The following EXOC6B variants were observed in gnomAD, a reference collection of about 807,000 sequenced individuals.
EXOC6B encodes the protein SEC15 homolog B.
A neutral mutation model predicts 113.5 loss-of-function variants in EXOC6B; 54 were observed. That is an observed-to-expected ratio of 0.48 (90% CI 0.38 to 0.60). EXOC6B has a LOEUF of 0.60. Ranked by LOEUF, EXOC6B falls within the 20% of genes least tolerant of loss-of-function variation. EXOC6B has a pLI of 0.00. For missense variants in EXOC6B, 797 were observed against 977.5 expected, an observed-to-expected ratio of 0.82 and a Z score of 2.46; for synonymous variants, 357 against 339.0, an observed-to-expected ratio of 1.05 and a Z score of -0.58.
intron 18 of EXOC6B, among the ~76,000 whole-genome samples, chr2:72,386,638 T>C (rs1241556430): frequency 6.6e-6 from 1 of 152,210 alleles, no homozygotes; most frequent in Non-Finnish European, 1.5e-5. Context: ...GTGCAAGCCA[T>C]AAGCCTTGGC....
chr2:72,758,172 A>T (rs1314142005), intron 1 of EXOC6B, among the ~76,000 whole-genome samples: 1 of 150,292 alleles, frequency 6.7e-6, no homozygotes, highest in Non-Finnish European at 1.5e-5. Context: ...GTCTCAAAAA[A>T]AAAAAAAAAA....
intron 19 of EXOC6B, among the ~76,000 whole-genome samples, chr2:72,341,732 T>C (rs888010290): frequency 6.6e-6 from 1 of 152,048 alleles, no homozygotes; most frequent in African/African-American, 2.4e-5. Context: ...AACAACACTA[T>C]AAACCAAATG....
intron 1 of EXOC6B, among the ~76,000 whole-genome samples, chr2:72,774,636 T>G (rs11898326): frequency 0.015 from 2,326 of 152,328 alleles, 82 homozygotes; most frequent in African/African-American, 0.054. Context: ...CACAGGAGTT[T>G]TATTCATAAT....
intron 6 of EXOC6B, among the ~76,000 whole-genome samples, chr2:72,671,063 G>GA (rs911169049): frequency 6.6e-6 from 1 of 151,694 alleles, no homozygotes; most frequent in African/African-American, 2.4e-5. Context: ...GAAACTACCA[G>GA]AAAAAAAACA....
chr2:72,336,328 T>A (rs949111058), intron 19 of EXOC6B, among the ~76,000 whole-genome samples: 5 of 152,210 alleles, frequency 3.3e-5, no homozygotes, highest in African/African-American at 9.6e-5. Flanking sequence ...AAATGGTAAT[T>A]TGTTGAACAA....
intron 18 of EXOC6B, among the ~76,000 whole-genome samples, chr2:72,417,293 G>T (rs1694584175): frequency 6.6e-6 from 1 of 152,126 alleles, no homozygotes; most frequent in Non-Finnish European, 1.5e-5. Context: ...AGGTTCAAGA[G>T]ATTCTCTTGC....
At chr2:72,579,158 G>A (rs1267173105) in intron 6 of EXOC6B, among the ~76,000 whole-genome samples, 1 of 152,200 alleles carries the variant, frequency 6.6e-6, no homozygotes, top group Non-Finnish European at 1.5e-5. Context: ...TGACTTAAAT[G>A]TGGTACATGG....
intron 19 of EXOC6B, among the ~76,000 whole-genome samples, chr2:72,348,839 TGA>T (rs1420568894): frequency 6.6e-6 from 1 of 152,138 alleles, no homozygotes; most frequent in African/African-American, 2.4e-5. Context: ...CAAAAAAAGC[TGA>T]GAGTCAGAAA....
intron 18 of EXOC6B, among the ~76,000 whole-genome samples, chr2:72,426,821 T>G (rs952092609): frequency 2.7e-4 from 41 of 152,258 alleles, no homozygotes; most frequent in Non-Finnish European, 7.3e-5. Flanking sequence ...ATGATGGCAG[T>G]GGCAGGCCAT....
At chr2:72,273,893 C>G (rs1684659633) in intron 20 of EXOC6B, among the ~76,000 whole-genome samples, 1 of 152,026 alleles carries the variant, frequency 6.6e-6, no homozygotes, top group Admixed American at 6.6e-5. Flanking sequence ...AGTGGGAACA[C>G]TGAGAAAAAT....
chr2:72,728,473 T>TATTAGGG (rs1460828578), intron 5 of EXOC6B, among the ~76,000 whole-genome samples: 1 of 152,206 alleles, frequency 6.6e-6, no homozygotes, highest in African/African-American at 2.4e-5. Flanking sequence ...CAAATGTCCC[T>TATTAGGG]AATAGTATCA....
At chr2:72,756,938 G>T (rs949267622) in intron 1 of EXOC6B, among the ~76,000 whole-genome samples, 3 of 152,086 alleles carry the variant, frequency 2.0e-5, no homozygotes. Flanking sequence ...AGATAAATAT[G>T]TTCAAATATT....
chr2:72,419,980 T>G (rs939176819), intron 18 of EXOC6B, among the ~76,000 whole-genome samples: 4 of 152,168 alleles, frequency 2.6e-5, no homozygotes, highest in African/African-American at 9.7e-5. Context: ...GTGTTCGCTT[T>G]TCTTCAATCT....
chr2:72,616,869 G>A (rs542220609), intron 6 of EXOC6B, among the ~76,000 whole-genome samples: 59 of 152,204 alleles, frequency 3.9e-4, no homozygotes, highest in Non-Finnish European at 7.1e-4. Flanking sequence ...ACTCATTTCA[G>A]CATTAACTCA....
At chr2:72,540,427 G>T (rs1160995871) in intron 8 of EXOC6B, among the ~76,000 whole-genome samples, 1 of 151,970 alleles carries the variant, frequency 6.6e-6, no homozygotes, top group Non-Finnish European at 1.5e-5. Flanking sequence ...TGTATCATTT[G>T]CTCCATACAA....
chr2:72,263,909 A>C (rs1040430796), intron 20 of EXOC6B, among the ~76,000 whole-genome samples: 4 of 152,130 alleles, frequency 2.6e-5, no homozygotes, highest in Admixed American at 6.5e-5. Flanking sequence ...AAGCATTCTG[A>C]CAGCCAGCCA....
intron 19 of EXOC6B, among the ~76,000 whole-genome samples, chr2:72,373,023 A>G (rs986851745): frequency 1.3e-5 from 2 of 152,110 alleles, no homozygotes; most frequent in Admixed American, 6.6e-5. Flanking sequence ...GGACTACAAG[A>G]AAACATTGAG....
chr2:72,209,586 C>T lies in EXOC6B; in HGVS notation c.2197-25399G>A, dbSNP rs547373470. 5.9e-5 allele frequency among the ~76,000 whole-genome samples: 9 copies of T among 152,272 alleles called. No individual in the cohort carries two copies. The East Asian group carries it at 1.4e-3, about 23-fold the overall frequency. On this transcript the variant is annotated intron_variant, in intron 20 of 21. Transcript: ENST00000272427. ...CTAAAATTCTTTATCTTAGCACCCT[C>T]CTCTGCTAATAGGAAGTGTGAGCAT... is the stretch of plus-strand genomic sequence containing the variant.
At chr2:72,613,114 C>A (rs1671177186) in intron 6 of EXOC6B, among the ~76,000 whole-genome samples, 1 of 151,858 alleles carries the variant, frequency 6.6e-6, no homozygotes, top group African/African-American at 2.4e-5. Flanking sequence ...TTAAATATTT[C>A]GATGTATTTT....
Sources: gnomAD v4.1 joint callset for allele counts (sites outside exome capture counted in the v4.1 genomes callset) on GRCh38, gnomAD v4.1.1 for gene constraint, MANE v1.5 for transcripts, NCBI Gene and HGNC (gene_info 2026-07-23, HGNC 2026-07-21) for gene names.